CWF19L2: variants seen among roughly 807,000 people sequenced by gnomAD.
CWF19L2 encodes the protein CWF19 like cell cycle control factor 2.
A neutral mutation model predicts 111.7 loss-of-function variants in CWF19L2; 98 were observed. The ratio of observed to expected loss-of-function variants is 0.88; its 90% confidence interval spans 0.75 to 1.04. The LOEUF (loss-of-function observed/expected upper bound fraction) is 1.04. Ranked by LOEUF, CWF19L2 falls within the 50% of genes least tolerant of loss-of-function variation. The pLI is 0.00. For synonymous variants in CWF19L2, 351 were observed against 342.9 expected, an observed-to-expected ratio of 1.02 and a Z score of -0.26; for missense variants, 1,101 against 1,051.4, an observed-to-expected ratio of 1.05 and a Z score of -0.65.
chr11:107,350,410 C>A (rs1860140938), intron 13 of CWF19L2, among the ~76,000 whole-genome samples: 1 of 152,096 alleles, frequency 6.6e-6, no homozygotes, highest in African/African-American at 2.4e-5. Flanking sequence ...GTGATTAGAT[C>A]ATGAGGACAG....
intron 13 of CWF19L2, among the ~76,000 whole-genome samples, chr11:107,350,501 C>T (rs1860142363): frequency 6.6e-6 from 1 of 152,064 alleles, no homozygotes; most frequent in African/African-American, 2.4e-5. Flanking sequence ...TAACGACACA[C>T]CAATAAGATG....
At chr11:107,398,782 C>T (rs1299845966) in intron 10 of CWF19L2, among the ~76,000 whole-genome samples, 2 of 152,184 alleles carry the variant, frequency 1.3e-5, no homozygotes, top group African/African-American at 4.8e-5. Context: ...AGCTGTGAGA[C>T]AGAAGCACCA....
rs1224290806 is a variant in CWF19L2, at chr11:107,369,375, T to C, written c.1873-15639A>G. Among the ~76,000 whole-genome samples the C allele has an allele frequency of 3.6e-5, 5 of 137,544 alleles. 2 individuals carry two copies. Among genetic ancestry groups the C allele is most frequent in the African/African-American group, 1.2e-4 (4 of 34,490 alleles). The allele number at this position is 137,544 out of a possible 152,430, so 90.2% of individuals were successfully genotyped here. Reference sequence around the variant, plus strand: ...GCACCCTCTCTAGGTAATCAATAAATAGTTGTTGCATTTGGAACAAAAATA... The same window carrying C: ...GCACCCTCTCTAGGTAATCAATAAACAGTTGTTGCATTTGGAACAAAAATA... On this transcript the variant is annotated intron_variant, in intron 12 of 17. Coordinates refer to ENST00000282251, the MANE Select transcript of CWF19L2 (RefSeq NM_152434.3).
At chr11:107,358,338 T>C (rs1374921282) in intron 12 of CWF19L2, among the ~76,000 whole-genome samples, 1 of 140,792 alleles carries the variant, frequency 7.1e-6, no homozygotes, top group African/African-American at 2.8e-5. Context: ...TGATAACTGA[T>C]GAGCTAAAAA....
chr11:107,405,850 A>AGAAGAAG (rs370288784), intron 10 of CWF19L2, among the ~76,000 whole-genome samples: 1 of 141,814 alleles, frequency 7.1e-6, no homozygotes. Context: ...AAAAAAAAAA[A>AGAAGAAG]AAGAAGAAGA....
intron 12 of CWF19L2, among the ~76,000 whole-genome samples, chr11:107,385,763 C>G (rs1161361101): frequency 1.3e-5 from 2 of 152,242 alleles, no homozygotes; most frequent in African/African-American, 2.4e-5. Flanking sequence ...CTCCATCCCC[C>G]CCAGGGGACA....
At chr11:107,424,657 T>C (rs528620667) in intron 8 of CWF19L2, among the ~76,000 whole-genome samples, 12 of 151,964 alleles carry the variant, frequency 7.9e-5, no homozygotes, top group African/African-American at 2.9e-4. Flanking sequence ...TCTCAATAGA[T>C]CTTTAAAAGA....
rs35784604 is a variant in CWF19L2 at position 107,387,693 on chromosome 11, G to A, written c.1872+2381C>T. Among the ~76,000 whole-genome samples the A allele has an allele frequency of 4.5e-4, 68 of 152,126 alleles. 1 individual carries two copies. Among genetic ancestry groups the A allele is most frequent in the African/African-American group, 1.6e-3 (67 of 41,518 alleles). On this transcript the variant is annotated intron_variant, in intron 12 of 17. Transcript: ENST00000282251. ...TCAGATCAACAGGAATTAGATTCTT[G>A]TAAGGGGGTGTGTAACCTAGATCCC...
In CWF19L2 at chr11:107,439,182, G is replaced by A. The variant is rs1861586331; in HGVS notation, c.572C>T (p.Ser191Phe). The change falls in exon 6 of 18, where the codon TCC (serine) becomes TTC (phenylalanine). Residue 191 changes from serine (S) to phenylalanine (F), a missense_variant and splice_region_variant. Ser to Phe is a radical substitution (Grantham distance 155). Transcript: ENST00000282251. ...ATTCAATTCTCTTTCCATCAGTTTG[G>A]ACTAGAACAAATTATTTTCAGAGGT... ...EQEKNQALEQSKLMERELNPY... is the reference protein window; with the variant it reads ...EQEKNQALEQFKLMERELNPY... The A allele has an allele frequency of 1.9e-6, 3 of 1,576,066 alleles. No homozygotes were observed. The highest frequency in any genetic ancestry group is 2.7e-5 in the African/African-American group (2 of 73,062).
At position 107,367,606 on chromosome 11, in the gene CWF19L2, T is replaced by G. The variant is rs1466504643; in HGVS notation, c.1873-13870A>C. Among the ~76,000 whole-genome samples the G allele has an allele frequency of 9.1e-5, 11 of 120,864 alleles. 2 individuals carry two copies. Among genetic ancestry groups the G allele is most frequent in the Non-Finnish European group, 1.4e-4 (8 of 59,252 alleles). The allele number at this position is 120,864 out of a possible 152,430, so 79.3% of individuals were successfully genotyped here. A position where few individuals can be genotyped will look rare whatever the true frequency, so the allele number is the denominator to read the frequency against. Reference sequence around the variant, plus strand: ...AAAACCAAACACCGCATATTCTCACTCATAGGTGGGAATTGAACAATGAGA... The same window carrying G: ...AAAACCAAACACCGCATATTCTCACGCATAGGTGGGAATTGAACAATGAGA... On this transcript the variant is annotated intron_variant, in intron 12 of 17. Transcript: ENST00000282251.
At chr11:107,363,466 C>G (rs530056203) in intron 12 of CWF19L2, among the ~76,000 whole-genome samples, 1 of 151,674 alleles carries the variant, frequency 6.6e-6, no homozygotes, top group Non-Finnish European at 1.5e-5. Flanking sequence ...AGACTACCAG[C>G]GGATCTCTAG....
At chr11:107,353,488 T>G (rs768184317) in intron 13 of CWF19L2, 36 bp downstream of exon 13, 3 of 1,534,956 alleles carry the variant, frequency 2.0e-6, no homozygotes, top group Non-Finnish European at 1.8e-6. Flanking sequence ...AAAAGTTCTA[T>G]GAGAATGTAA....
Position 107,404,962 on chromosome 11 carries a change from C to A in CWF19L2, c.1617+11247G>T, listed in dbSNP as rs557209269. On this transcript the variant is annotated intron_variant, in intron 10 of 17. Transcript: ENST00000282251. ...GGAGCTCAGAAACAATGAGCAAGTT[C>A]CCAATTTGCCATCACATTAATACAG... 1.3e-4 allele frequency among the ~76,000 whole-genome samples: 20 copies of A among 152,278 alleles called. 1 individual carries two copies. The South Asian group carries it at 4.1e-3, about 32-fold the overall frequency.
At chr11:107,397,327 G>A (rs115794301) in intron 10 of CWF19L2, among the ~76,000 whole-genome samples, 1,787 of 152,202 alleles carry the variant, frequency 0.012, 35 homozygotes, top group African/African-American at 0.041. Context: ...GTTGGTGGGG[G>A]CACAGTGAGA....
chr11:107,345,235 GTTAC>G (rs143047537), intron 14 of CWF19L2, among the ~76,000 whole-genome samples: 40,690 of 151,802 alleles, frequency 0.27, 5,527 homozygotes, highest in African/African-American at 0.34. Context: ...AAACTTTATT[GTTAC>G]TTACTTCAAT....
chr11:107,395,394 A>C lies in CWF19L2; in HGVS notation c.1618-2499T>G, dbSNP rs1591181529. Among the ~76,000 whole-genome samples, 4 of 152,362 alleles carry C rather than the reference A, an allele frequency of 2.6e-5. No individual in the cohort carries two copies. In the South Asian group the frequency reaches 8.3e-4, roughly 32 times the overall value. On this transcript the variant is annotated intron_variant, in intron 10 of 17. Coordinates refer to ENST00000282251, the MANE Select transcript of CWF19L2 (RefSeq NM_152434.3). ...TTTCGGGTATGTCTTTATCAGCAGC[A>C]TGAAAACAGACAAATACAAGAATCA...
chr11:107,396,994 A>T lies in CWF19L2; in HGVS notation c.1618-4099T>A, dbSNP rs78309721. On this transcript the variant is annotated intron_variant, in intron 10 of 17. Coordinates refer to ENST00000282251, the MANE Select transcript of CWF19L2 (RefSeq NM_152434.3). ...CCAAGTGAAATACAGGGGTAGAGGAAGGAGCAGAAAGGCCCTGGGATCTCG... is the reference window on the plus strand; with the variant it reads ...CCAAGTGAAATACAGGGGTAGAGGATGGAGCAGAAAGGCCCTGGGATCTCG... Among the ~76,000 whole-genome samples, 348 of 152,330 alleles carry T rather than the reference A, an allele frequency of 2.3e-3. 2 individuals are homozygous for T. Among genetic ancestry groups the T allele is most frequent in the African/African-American group, 7.7e-3 (321 of 41,592 alleles).
intron 9 of CWF19L2, among the ~76,000 whole-genome samples, chr11:107,416,702 C>T (rs550370369): frequency 5.3e-5 from 8 of 152,060 alleles, no homozygotes; most frequent in East Asian, 1.9e-4. Flanking sequence ...ATGAAAATTC[C>T]GAAGATATTT....
chr11:107,358,546 C>T (rs1027645403), intron 12 of CWF19L2, among the ~76,000 whole-genome samples: 2 of 152,058 alleles, frequency 1.3e-5, no homozygotes, highest in African/African-American at 4.8e-5. Context: ...ATACTTGTTA[C>T]AACATGGATG....
Sources: allele counts gnomAD v4.1 joint callset (sites outside exome capture counted in the v4.1 genomes callset), GRCh38; gene constraint gnomAD v4.1.1; transcripts MANE v1.5; gene names NCBI Gene and HGNC (gene_info 2026-07-23, HGNC 2026-07-21).